Variants in EPHA6 observed in about 807,000 individuals in gnomAD.
EPHA6 encodes ephrin type-A receptor 6.
In EPHA6, 50 loss-of-function variants were observed where a neutral mutation model predicts 112.0. The observed-to-expected ratio is 0.45, with a 90% confidence interval of 0.36 to 0.56. The LOEUF is 0.56. Among genes scored for constraint, EPHA6 ranks in the 20% least tolerant of loss-of-function variants. The pLI is 0.00. For missense variants in EPHA6, 1,280 were observed against 1,417.4 expected (o/e 0.90, Z 1.56); for synonymous variants, 529 against 490.7 (o/e 1.08, Z -1.03).
intron 2 of EPHA6, among the ~76,000 whole-genome samples, chr3:96,952,112 T>G (rs538358157): frequency 3.9e-5 from 6 of 152,190 alleles, no homozygotes; most frequent in African/African-American, 1.4e-4. Context: ...TCCATTGTAC[T>G]AGGAAGAGAC....
chr3:97,664,643 G>A (rs1326846513), intron 14 of EPHA6, among the ~76,000 whole-genome samples: 1 of 152,132 alleles, frequency 6.6e-6, no homozygotes, highest in African/African-American at 2.4e-5. Flanking sequence ...CAAAATCAAT[G>A]TGCATAAATC....
intron 5 of EPHA6, among the ~76,000 whole-genome samples, chr3:97,306,430 C>G (rs1006678972): frequency 6.6e-6 from 1 of 151,572 alleles, no homozygotes; most frequent in Non-Finnish European, 1.5e-5. Flanking sequence ...CTGGGAAGAC[C>G]CCAGCAGGGA....
At chr3:97,370,258 G>A (rs1339682799) in intron 5 of EPHA6, among the ~76,000 whole-genome samples, 4 of 152,088 alleles carry the variant, frequency 2.6e-5, no homozygotes, top group African/African-American at 7.2e-5. Context: ...AGCACAAGAA[G>A]AAATAATAAT....
intron 14 of EPHA6, among the ~76,000 whole-genome samples, chr3:97,668,101 C>T (rs908293605): frequency 1.3e-5 from 2 of 152,148 alleles, no homozygotes; most frequent in Non-Finnish European, 2.9e-5. Flanking sequence ...ACTCACAAAA[C>T]GTCTTTGTGG....
intron 5 of EPHA6, among the ~76,000 whole-genome samples, chr3:97,260,989 C>T (rs189062670): frequency 6.6e-5 from 10 of 152,270 alleles, no homozygotes; most frequent in African/African-American, 2.4e-4. Context: ...CTTTGCATGC[C>T]TAATTTCAAA....
intron 6 of EPHA6, among the ~76,000 whole-genome samples, chr3:97,419,025 C>T (rs1392976174): frequency 1.3e-5 from 2 of 152,276 alleles, no homozygotes; most frequent in East Asian, 3.9e-4. Flanking sequence ...TTTAACAGGG[C>T]CAGGCACTGT....
At chr3:97,406,882 A>C (rs2087383120) in intron 6 of EPHA6, among the ~76,000 whole-genome samples, 1 of 152,142 alleles carries the variant, frequency 6.6e-6, no homozygotes, top group African/African-American at 2.4e-5. Flanking sequence ...ACACTATCAC[A>C]AGAAAGCATA....
At chr3:97,718,300 AC>A (rs1342434903) in intron 14 of EPHA6, among the ~76,000 whole-genome samples, 1 of 152,192 alleles carries the variant, frequency 6.6e-6, no homozygotes, top group Non-Finnish European at 1.5e-5. Flanking sequence ...TGTGAAGATC[AC>A]ACCCATTTTT....
At chr3:97,650,767 G>A (rs866223257) in intron 14 of EPHA6, among the ~76,000 whole-genome samples, 8 of 147,146 alleles carry the variant, frequency 5.4e-5, no homozygotes, top group African/African-American at 2.0e-4. Context: ...TGAGGCAGGA[G>A]AATTGCTTGA....
chr3:97,440,545 A>G (rs1390582390), intron 6 of EPHA6, among the ~76,000 whole-genome samples: 1 of 151,376 alleles, frequency 6.6e-6, no homozygotes, highest in Non-Finnish European at 1.5e-5. Flanking sequence ...ACAAAATCAG[A>G]GAAATTAAAA....
At chr3:96,926,794 C>T (rs1342015775) in intron 2 of EPHA6, among the ~76,000 whole-genome samples, 4 of 152,174 alleles carry the variant, frequency 2.6e-5, no homozygotes, top group Admixed American at 6.5e-5. Flanking sequence ...GGTACAGCCC[C>T]CCAGCTGGTT....
chr3:97,389,150 A>C (rs186245499), intron 5 of EPHA6, among the ~76,000 whole-genome samples: 92 of 152,350 alleles, frequency 6.0e-4, no homozygotes, highest in African/African-American at 2.1e-3. Context: ...ACCATTGATT[A>C]AAATTGGTCT....
At chr3:97,393,547 C>T (rs1193723300) in intron 5 of EPHA6, among the ~76,000 whole-genome samples, 1 of 151,866 alleles carries the variant, frequency 6.6e-6, no homozygotes, top group East Asian at 1.9e-4. Flanking sequence ...CATTTCAACT[C>T]ATCATTAATA....
At chr3:97,320,253 T>G (rs1029556692) in intron 5 of EPHA6, among the ~76,000 whole-genome samples, 3 of 152,086 alleles carry the variant, frequency 2.0e-5, no homozygotes, top group Admixed American at 6.6e-5. Context: ...GACTGGGATA[T>G]TGTTAAGGTT....
chr3:97,713,288 C>T (rs2034061584), intron 14 of EPHA6, among the ~76,000 whole-genome samples: 1 of 152,012 alleles, frequency 6.6e-6, no homozygotes, highest in African/African-American at 2.4e-5. Context: ...CCTTTTTCAA[C>T]CCAAGGACCA....
chr3:97,641,458 T>G (rs376903143), intron 14 of EPHA6, among the ~76,000 whole-genome samples: 1 of 152,272 alleles, frequency 6.6e-6, no homozygotes, highest in East Asian at 1.9e-4. Context: ...TGAATAGGAA[T>G]AGCTCCGGTC....
chr3:97,028,345 G>A (rs968351087), intron 3 of EPHA6, among the ~76,000 whole-genome samples: 3 of 152,082 alleles, frequency 2.0e-5, no homozygotes, highest in African/African-American at 7.2e-5. Context: ...GATTAAATGA[G>A]ACAATATAGA....
At chr3:97,329,133 A>G (rs62262763) in intron 5 of EPHA6, among the ~76,000 whole-genome samples, 6 of 152,098 alleles carry the variant, frequency 3.9e-5, no homozygotes, top group Non-Finnish European at 2.9e-5. Flanking sequence ...ATGTCCCTAC[A>G]AAGGACATGA....
At chr3:97,415,866 G>C (rs921837510) in intron 6 of EPHA6, among the ~76,000 whole-genome samples, 1 of 151,958 alleles carries the variant, frequency 6.6e-6, no homozygotes, top group African/African-American at 2.4e-5. Flanking sequence ...GGTTGAATTT[G>C]TTTGTTGATT....
Sources: gnomAD v4.1 joint callset for allele counts (sites outside exome capture counted in the v4.1 genomes callset) on GRCh38, gnomAD v4.1.1 for gene constraint, MANE v1.5 for transcripts, NCBI Gene and HGNC (gene_info 2026-07-23, HGNC 2026-07-21) for gene names.